Variants in RNF220 observed in about 807,000 individuals in gnomAD.
RNF220 encodes E3 ubiquitin-protein ligase RNF220.
In RNF220, 7 loss-of-function variants were observed where a neutral mutation model predicts 67.1. The observed-to-expected ratio is 0.10, with a 90% CI of 0.06 to 0.20. The LOEUF (loss-of-function observed/expected upper bound fraction) is 0.20, where lower values mean the gene tolerates loss of function less well. RNF220 is among the 10% of genes least tolerant of loss of function. The pLI is 1.00. For missense variants in RNF220, 565 were observed against 740.3 expected, an observed-to-expected ratio of 0.76 and a Z score of 2.75; for synonymous variants, 270 against 283.2, an observed-to-expected ratio of 0.95 and a Z score of 0.47.
intron 2 of RNF220, among the ~76,000 whole-genome samples, chr1:44,500,591 A>G (rs888466448): frequency 1.3e-5 from 2 of 152,184 alleles, no homozygotes; most frequent in African/African-American, 4.8e-5. Context: ...TAGGTGCTCA[A>G]TGAGTACTTG....
At chr1:44,470,712 A>T (rs990186305) in intron 2 of RNF220, among the ~76,000 whole-genome samples, 3 of 151,950 alleles carry the variant, frequency 2.0e-5, no homozygotes, top group Non-Finnish European at 4.4e-5. Flanking sequence ...ATCACTAAGA[A>T]CTCATCAACC....
intron 2 of RNF220, among the ~76,000 whole-genome samples, chr1:44,541,491 C>G (rs1487586478): frequency 6.6e-6 from 1 of 152,208 alleles, no homozygotes; most frequent in Non-Finnish European, 1.5e-5. Context: ...GAATCAAATC[C>G]AGGTCCATCT....
rs553903727 is a variant in RNF220 at position 44,413,503 on chromosome 1, C to G, written c.625+781C>G. On this transcript the variant is annotated intron_variant, in intron 2 of 14. Coordinates refer to ENST00000361799, the MANE Select transcript of RNF220 (RefSeq NM_018150.4). ...GCTCTGGCTACACTTATAGCTGGAA[C>G]TAAACCTTTATTTGGAACTTGTAGA... Among the ~76,000 whole-genome samples the G allele has an allele frequency of 5.3e-5, 8 of 152,322 alleles. No individual in the cohort carries two copies. In the East Asian group the frequency reaches 1.5e-3, roughly 29 times the overall value.
At chr1:44,523,855 C>G (rs1305603457) in intron 2 of RNF220, among the ~76,000 whole-genome samples, 1 of 152,252 alleles carries the variant, frequency 6.6e-6, no homozygotes, top group African/African-American at 2.4e-5. Context: ...TGAGACATAG[C>G]TGCAGGTGCA....
intron 8 of RNF220, among the ~76,000 whole-genome samples, chr1:44,640,560 C>T (rs937297743): frequency 4.6e-5 from 7 of 152,258 alleles, no homozygotes; most frequent in Non-Finnish European, 8.8e-5. Flanking sequence ...CGGCGTCTGT[C>T]TCTCTGCGTC....
At chr1:44,515,231 G>A (rs572381096) in intron 2 of RNF220, among the ~76,000 whole-genome samples, 3 of 152,286 alleles carry the variant, frequency 2.0e-5, no homozygotes, top group Admixed American at 6.5e-5. Context: ...TCCAGAACAC[G>A]GGGTGGATGT....
intron 2 of RNF220, among the ~76,000 whole-genome samples, chr1:44,587,145 CTTTTTTTTTT>C (rs60300155): frequency 3.2e-5 from 4 of 124,126 alleles, no homozygotes; most frequent in African/African-American, 1.4e-4. Context: ...CTTCTTCTTC[CTTTTTTTTTT>C]TTTTTTTTTT....
chr1:44,581,739 C>A (rs1665294743), intron 2 of RNF220, among the ~76,000 whole-genome samples: 1 of 152,142 alleles, frequency 6.6e-6, no homozygotes, highest in Non-Finnish European at 1.5e-5. Context: ...CCTGGGCCTT[C>A]CTCTGGGAAC....
At chr1:44,458,696 G>A (rs1449191341) in intron 2 of RNF220, among the ~76,000 whole-genome samples, 2 of 152,140 alleles carry the variant, frequency 1.3e-5, no homozygotes, top group Non-Finnish European at 2.9e-5. Flanking sequence ...CTTTTCGCAC[G>A]ATTGGTTTAC....
At chr1:44,450,732 A>G (rs1394222904) in intron 2 of RNF220, among the ~76,000 whole-genome samples, 1 of 152,194 alleles carries the variant, frequency 6.6e-6, no homozygotes, top group Non-Finnish European at 1.5e-5. Context: ...GAAGCCTTGT[A>G]ATTTACTTCC....
At chr1:44,547,058 C>T (rs2148242292) in intron 2 of RNF220, among the ~76,000 whole-genome samples, 1 of 152,342 alleles carries the variant, frequency 6.6e-6, no homozygotes, top group East Asian at 1.9e-4. Context: ...GGGATGCTTC[C>T]TCCAGGGTGC....
chr1:44,405,166 T>A (rs1647228143), upstream of RNF220: 1 of 253,354 alleles, frequency 3.9e-6, no homozygotes, highest in Non-Finnish European at 7.4e-6. Flanking sequence ...TCAGAGTGCC[T>A]GTATGTGTGT....
At chr1:44,629,649 G>A (rs1644057173) in intron 5 of RNF220, among the ~76,000 whole-genome samples, 1 of 152,000 alleles carries the variant, frequency 6.6e-6, no homozygotes, top group East Asian at 1.9e-4. Context: ...ACCAGCCTGG[G>A]CAACATGGCA....
At chr1:44,448,207 G>A (rs1486591078) in intron 2 of RNF220, among the ~76,000 whole-genome samples, 2 of 152,220 alleles carry the variant, frequency 1.3e-5, no homozygotes, top group Non-Finnish European at 2.9e-5. Context: ...GCCGAGGCAC[G>A]AGAATCGCTC....
intron 2 of RNF220, among the ~76,000 whole-genome samples, chr1:44,584,773 G>A (rs907801618): frequency 5.3e-5 from 8 of 152,200 alleles, no homozygotes; most frequent in Middle Eastern, 3.4e-3. Flanking sequence ...ATCTCAGCTC[G>A]CTGCAACCTC....
At chr1:44,413,392 G>C (rs959984724) in intron 2 of RNF220, among the ~76,000 whole-genome samples, 1 of 152,184 alleles carries the variant, frequency 6.6e-6, no homozygotes, top group African/African-American at 2.4e-5. Context: ...TGACCTGTGT[G>C]ACTGCTCCAA....
intron 2 of RNF220, among the ~76,000 whole-genome samples, chr1:44,586,970 T>C (rs893435154): frequency 1.3e-5 from 2 of 152,146 alleles, no homozygotes; most frequent in Non-Finnish European, 1.5e-5. Context: ...TAAAAGTTTA[T>C]ATATGAAATA....
At chr1:44,556,817 C>T (rs1663130259) in intron 2 of RNF220, among the ~76,000 whole-genome samples, 1 of 152,122 alleles carries the variant, frequency 6.6e-6, no homozygotes, top group East Asian at 1.9e-4. Context: ...CCTCGGCCTC[C>T]CAAAGTTCTG....
intron 2 of RNF220, among the ~76,000 whole-genome samples, chr1:44,549,371 A>T (rs1048605013): frequency 6.6e-6 from 1 of 152,234 alleles, no homozygotes; most frequent in Non-Finnish European, 1.5e-5. Context: ...GGCAGAGCGC[A>T]CATGAGGAAC....
Sources: gnomAD v4.1 joint callset for allele counts (sites outside exome capture counted in the v4.1 genomes callset) on GRCh38, gnomAD v4.1.1 for gene constraint, MANE v1.5 for transcripts, NCBI Gene and HGNC (gene_info 2026-07-23, HGNC 2026-07-21) for gene names.